The following NFIA variants were observed in gnomAD, a reference collection of about 807,000 sequenced individuals.
The protein encoded by NFIA is nuclear factor 1 A-type.
Under a neutral mutation model 62.8 loss-of-function variants are expected in NFIA, and 8 were observed. The observed-to-expected ratio is 0.13, with a 90% CI of 0.07 to 0.23. The LOEUF is 0.23. NFIA is among the 10% of genes least tolerant of loss of function. The pLI, the probability that NFIA is intolerant of heterozygous loss-of-function variation, is 1.00. For synonymous variants in NFIA, 235 were observed against 238.1 expected (o/e 0.99, Z 0.12); for missense variants, 410 against 642.1 (o/e 0.64, Z 3.91).
intron 3 of NFIA, among the ~76,000 whole-genome samples, chr1:61,289,470 G>C (rs1203423674): frequency 6.6e-6 from 1 of 152,148 alleles, no homozygotes; most frequent in Non-Finnish European, 1.5e-5. Context: ...AGTCAAGAAG[G>C]CATAAAGGGT....
intron 3 of NFIA, among the ~76,000 whole-genome samples, chr1:61,293,015 G>T (rs1462951337): frequency 6.6e-6 from 1 of 152,168 alleles, no homozygotes; most frequent in Admixed American, 6.5e-5. Context: ...GAAATTATGT[G>T]TACAGCTGGC....
intron 2 of NFIA, among the ~76,000 whole-genome samples, chr1:61,265,379 C>A (rs1288654803): frequency 2.6e-5 from 4 of 152,118 alleles, no homozygotes; most frequent in African/African-American, 9.7e-5. Flanking sequence ...TGAAATGATT[C>A]ACTTACATCA....
chr1:61,228,601 A>G (rs990113988), intron 2 of NFIA, among the ~76,000 whole-genome samples: 1 of 152,206 alleles, frequency 6.6e-6, no homozygotes, highest in Non-Finnish European at 1.5e-5. Flanking sequence ...TGGCATTTCT[A>G]AAATTTTAAA....
chr1:61,341,815 C>T (rs1661934187), intron 4 of NFIA, among the ~76,000 whole-genome samples: 1 of 152,172 alleles, frequency 6.6e-6, no homozygotes, highest in South Asian at 2.1e-4. Flanking sequence ...TTTATGCACT[C>T]ATAAGCCTCA....
In NFIA at chr1:61,358,977, G is replaced by A. The variant is rs183163077; in HGVS notation, c.819-170G>A. Among the ~76,000 whole-genome samples, 396 of 152,298 alleles carry A rather than the reference G, an allele frequency of 2.6e-3. 3 individuals carry two copies. Among genetic ancestry groups the A allele is most frequent in the African/African-American group, 9.1e-3 (379 of 41,570 alleles). On this transcript the variant is annotated intron_variant, in intron 5 of 10. Transcript: ENST00000403491. ...TGGAACAACACAGACCCAAGACTTT[G>A]TTCTACATCCAGTGACTCACCAGAC... is the stretch of plus-strand genomic sequence containing the variant.
At chr1:61,401,833 GT>G (rs762774612) in intron 7 of NFIA, among the ~76,000 whole-genome samples, 3 of 152,104 alleles carry the variant, frequency 2.0e-5, no homozygotes, top group South Asian at 4.1e-4. Context: ...CCGAGTACAA[GT>G]TTTTTGCCAC....
At chr1:61,123,414 A>G (rs1481102839) in intron 2 of NFIA, among the ~76,000 whole-genome samples, 1 of 152,202 alleles carries the variant, frequency 6.6e-6, no homozygotes, top group Admixed American at 6.5e-5. Flanking sequence ...GATTCAAGAC[A>G]TTTTGCATAG....
In NFIA at chr1:61,332,454, T is replaced by C. The variant is rs892235476; in HGVS notation, c.626-58T>C. Reference sequence around the variant, plus strand: ...ATAATGAAACTAATATTTAAAGCTCTGTTGTCAAATGTCTTGTATTTATGA... The same window carrying C: ...ATAATGAAACTAATATTTAAAGCTCCGTTGTCAAATGTCTTGTATTTATGA... On this transcript the variant is annotated intron_variant, in intron 3 of 10. Coordinates refer to ENST00000403491, the MANE Select transcript of NFIA (RefSeq NM_001134673.4). 3 of 1,469,246 alleles carry C rather than the reference T, an allele frequency of 2.0e-6. No homozygotes were observed. The African/African-American group carries it at 4.2e-5, about 20-fold the overall frequency. The allele number at this position is 1,469,246 out of a possible 1,614,324, so 91.0% of individuals were successfully genotyped here.
At chr1:61,304,555 A>G (rs1033678517) in intron 3 of NFIA, among the ~76,000 whole-genome samples, 2 of 152,304 alleles carry the variant, frequency 1.3e-5, no homozygotes, top group East Asian at 1.9e-4. Context: ...GCCTAGGAAC[A>G]TGGAACTCAT....
chr1:61,202,113 A>G (rs1652543196), intron 2 of NFIA, among the ~76,000 whole-genome samples: 1 of 152,198 alleles, frequency 6.6e-6, no homozygotes, highest in African/African-American at 2.4e-5. Flanking sequence ...ATAGGTGCCA[A>G]TGGTAACTTA....
Position 61,405,414 on chromosome 1 carries a change from G to A in NFIA, c.1254+1132G>A, listed in dbSNP as rs558206139. 3.3e-5 allele frequency among the ~76,000 whole-genome samples: 5 copies of A among 152,280 alleles called. No homozygotes were observed. In the East Asian group the frequency reaches 9.6e-4, roughly 29 times the overall value. On this transcript the variant is annotated intron_variant, in intron 8 of 10. Coordinates refer to ENST00000403491, the MANE Select transcript of NFIA (RefSeq NM_001134673.4). ...ATCGTCAGACGAGGTAGTCTTTGAG[G>A]AGCAATACTAAATATATAAGTACTA...
intron 2 of NFIA, among the ~76,000 whole-genome samples, chr1:61,259,064 G>T (rs1455196744): frequency 6.6e-6 from 1 of 152,152 alleles, no homozygotes; most frequent in Non-Finnish European, 1.5e-5. Flanking sequence ...AATTTGCAAA[G>T]AATTGTGAAA....
In NFIA at chr1:61,221,994, G is replaced by A. The variant is rs145609259; in HGVS notation, c.560-55526G>A. ...TTAAAACTGAGCGTTTGGTCTTTGGGCTTCAAAAGCACTCTGAACTCTGTA... is the reference window on the plus strand; with the variant it reads ...TTAAAACTGAGCGTTTGGTCTTTGGACTTCAAAAGCACTCTGAACTCTGTA... On this transcript the variant is annotated intron_variant, in intron 2 of 10. Transcript: ENST00000403491. 1.9e-3 allele frequency among the ~76,000 whole-genome samples: 289 copies of A among 152,122 alleles called. 1 individual carries two copies. Among genetic ancestry groups the A allele is most frequent in the African/African-American group, 6.6e-3 (276 of 41,534 alleles).
chr1:61,217,233 T>G (rs1426791606), intron 2 of NFIA, among the ~76,000 whole-genome samples: 6 of 150,804 alleles, frequency 4.0e-5, no homozygotes, highest in Non-Finnish European at 7.4e-5. Context: ...ATTTTTTTTT[T>G]TTTGTTTTGT....
At chr1:61,167,812 A>G (rs1261250683) in intron 2 of NFIA, among the ~76,000 whole-genome samples, 1 of 152,106 alleles carries the variant, frequency 6.6e-6, no homozygotes, top group East Asian at 1.9e-4. Flanking sequence ...CTCTACCACC[A>G]AGCTTTCAAA....
rs1022294523 is a variant in NFIA at position 61,383,223 on chromosome 1, A to C, written c.947-14A>C. 2 of 1,613,804 alleles carry C rather than the reference A, an allele frequency of 1.2e-6. No individual in the cohort carries two copies. The highest frequency in any genetic ancestry group is 1.7e-4 in the Middle Eastern group (1 of 6,054). On this transcript the variant is annotated splice_polypyrimidine_tract_variant and intron_variant, in intron 6 of 10. Transcript: ENST00000403491. ...TGAATTAAAGTGTACTTACCAGTTG[A>C]TCCTTCTTGCCAGGAATGCCATCTC...
At chr1:61,087,333 A>G (rs186144840) in intron 1 of NFIA, among the ~76,000 whole-genome samples, 96 of 152,212 alleles carry the variant, frequency 6.3e-4, no homozygotes, top group African/African-American at 2.3e-3. Context: ...GCACTTCACA[A>G]TCATATTAGT....
Position 61,088,720 on chromosome 1 carries a change from G to T in NFIA, c.559+40G>T. ...GAGAATTCCTCCCACTTTCTTGTGT[G>T]TGTTTCTTTCCTGATGGCCTCCGCG... On this transcript the variant is annotated intron_variant, in intron 2 of 10. Coordinates refer to ENST00000403491, the MANE Select transcript of NFIA (RefSeq NM_001134673.4). The surrounding 1 kb of genome is among the most constrained non-coding windows in gnomAD (Gnocchi z 4.5). 1 of 1,576,414 alleles carries T rather than the reference G, an allele frequency of 6.3e-7. No individual in the cohort carries two copies. The highest frequency in any genetic ancestry group is 8.6e-7 in the Non-Finnish European group (1 of 1,162,726).
intron 9 of NFIA, among the ~76,000 whole-genome samples, chr1:61,423,708 T>A (rs1046544385): frequency 6.6e-6 from 1 of 152,202 alleles, no homozygotes; most frequent in African/African-American, 2.4e-5. Flanking sequence ...TCAATTAAGG[T>A]TTTATTCAAC....
Sources: allele counts gnomAD v4.1 joint callset (sites outside exome capture counted in the v4.1 genomes callset), GRCh38; gene constraint gnomAD v4.1.1; non-coding constraint Gnocchi (gnomAD v3.1); transcripts MANE v1.5; gene names NCBI Gene and HGNC (gene_info 2026-07-23, HGNC 2026-07-21).